The following TNRC6B variants were observed in gnomAD, a reference collection of about 807,000 sequenced individuals.
TNRC6B encodes trinucleotide repeat containing adaptor 6B.
Under a neutral mutation model 203.6 loss-of-function variants are expected in TNRC6B, and 52 were observed. That is an observed-to-expected ratio of 0.26 (90% CI 0.20 to 0.32). The LOEUF is 0.32. TNRC6B is among the 10% of genes least tolerant of loss of function. TNRC6B has a pLI of 1.00. For synonymous variants in TNRC6B, 838 were observed against 845.7 expected (o/e 0.99, Z 0.16); for missense variants, 1,923 against 2,286.2 (o/e 0.84, Z 3.24).
chr22:40,088,630 G>GTGTT (rs777613074), intron 1 of TNRC6B, among the ~76,000 whole-genome samples: 2 of 148,694 alleles, frequency 1.3e-5, no homozygotes, highest in Admixed American at 1.3e-4. Flanking sequence ...GTGTGTGTGT[G>GTGTT]TTTTAGTAGA....
chr22:40,219,270 GAGTA>G (rs1601893909), intron 1 of TNRC6B, among the ~76,000 whole-genome samples: 1 of 152,180 alleles, frequency 6.6e-6, no homozygotes, highest in African/African-American at 2.4e-5. Flanking sequence ...TTTAAAGAAC[GAGTA>G]AGTGCTCCAT....
chr22:40,048,133 T>C (rs1278090932), intron 1 of TNRC6B, among the ~76,000 whole-genome samples: 1 of 152,238 alleles, frequency 6.6e-6, no homozygotes, highest in Non-Finnish European at 1.5e-5. Context: ...TCCAGAGTTC[T>C]GAAAGAGCAG....
intron 1 of TNRC6B, among the ~76,000 whole-genome samples, chr22:40,221,760 C>G (rs1315591345): frequency 2.5e-5 from 3 of 121,906 alleles, no homozygotes; most frequent in Admixed American, 1.0e-4. Flanking sequence ...TGCCCCCCCC[C>G]CTTTTTTTTT....
chr22:40,265,988 T>C lies in TNRC6B; in HGVS notation c.1758T>C (p.His586=). ...ACAAAGCAGGAAGTAGTGACAGTCATAACTCTGGCCGTCGGTCGTACAGGC... is the reference window on the plus strand; with the variant it reads ...ACAAAGCAGGAAGTAGTGACAGTCACAACTCTGGCCGTCGGTCGTACAGGC... ...SNHKAGSSDS[H]NSGRRSYRPT... is the part of the protein sequence containing the mutation. Residue 586 remains histidine, a synonymous_variant, in exon 5 of 23, where the codon CAT becomes CAC. Transcript: ENST00000454349. 6.2e-7 allele frequency: 1 copy of C among 1,613,898 alleles called. No homozygotes were observed.
At chr22:40,252,371 AG>A (rs565551642) in intron 3 of TNRC6B, among the ~76,000 whole-genome samples, 10 of 152,350 alleles carry the variant, frequency 6.6e-5, no homozygotes, top group African/African-American at 2.4e-4. Flanking sequence ...GGAGGAGGAC[AG>A]GGGTGACAGG....
In TNRC6B at chr22:40,324,985, A is replaced by T. The variant is rs751807606; in HGVS notation, c.*1744A>T. The T allele has an allele frequency of 1.3e-5, 2 of 152,428 alleles. No homozygotes were observed. The highest frequency in any genetic ancestry group is 2.9e-5 in the Non-Finnish European group (2 of 68,028). The allele number at this position is 152,428 out of a possible 1,614,324, so 9.4% of individuals were successfully genotyped here. On this transcript the variant is annotated 3_prime_UTR_variant, in exon 23 of 23. Transcript: ENST00000454349. ...GGAATCAAAATGTATCAAACTGCTT[A>T]TTGTGAAGAGAATTATAGCAGACCT...
intron 4 of TNRC6B, among the ~76,000 whole-genome samples, chr22:40,165,094 C>CTT (rs764182245): frequency 6.9e-5 from 9 of 130,780 alleles, no homozygotes; most frequent in East Asian, 2.4e-4. Context: ...CCCCCCGGCT[C>CTT]TTTTTTTTTT....
intron 1 of TNRC6B, among the ~76,000 whole-genome samples, chr22:40,215,379 C>T (rs2069621681): frequency 6.6e-6 from 1 of 152,192 alleles, no homozygotes. Flanking sequence ...CTGCCAGCCA[C>T]ATTTCTCATT....
At chr22:40,153,549 GAAA>G (rs35636391) in intron 3 of TNRC6B, among the ~76,000 whole-genome samples, 3 of 145,600 alleles carry the variant, frequency 2.1e-5, no homozygotes, top group African/African-American at 7.5e-5. Context: ...TACTAAGCTA[GAAA>G]AAAAAAAACA....
chr22:40,286,915 T>C (rs531851035), intron 12 of TNRC6B, among the ~76,000 whole-genome samples: 1 of 152,346 alleles, frequency 6.6e-6, no homozygotes, highest in Admixed American at 6.5e-5. Flanking sequence ...AAACCAAGCT[T>C]TGAGTCTGTT....
chr22:40,308,504 C>CTT lies in TNRC6B; in HGVS notation c.4121-4_4121-3dup. 1 of 1,613,884 alleles carries CTT rather than the reference C, an allele frequency of 6.2e-7. No homozygotes were observed. On this transcript the variant is annotated splice_polypyrimidine_tract_variant and splice_region_variant and intron_variant, in intron 15 of 22. Transcript: ENST00000454349. ...GAGACTTATAAAATGTGGTCTTCTC[C>CTT]TTTTTAGGCTTCAGCTCTGGCGGCA...
intron 3 of TNRC6B, among the ~76,000 whole-genome samples, chr22:40,146,057 A>C (rs144946033): frequency 2.2e-3 from 340 of 152,338 alleles, no homozygotes; most frequent in Middle Eastern, 0.014. Flanking sequence ...GAGAAGAAAG[A>C]GGTCCAAGGG....
chr22:40,205,068 A>G (rs900696475), intron 1 of TNRC6B, among the ~76,000 whole-genome samples: 7 of 152,204 alleles, frequency 4.6e-5, no homozygotes, highest in African/African-American at 1.7e-4. Context: ...TTTCACAATG[A>G]TAATCTCAGG....
At position 40,308,661 on chromosome 22, in the gene TNRC6B, A is replaced by C. The variant is rs1316452479; in HGVS notation, c.4258+12A>C. 6.2e-7 allele frequency: 1 copy of C among 1,605,726 alleles called. No individual in the cohort carries two copies. The highest frequency in any genetic ancestry group is 8.5e-7 in the Non-Finnish European group (1 of 1,175,752). The stretch of plus-strand genomic sequence containing the variant: ...TATGCACAAAAATGGTAAGAGAAGC[A>C]CTGAAAGCTAGAGCCCCCAACCCAC... On this transcript the variant is annotated intron_variant, in intron 16 of 22. Transcript: ENST00000454349.
In TNRC6B at chr22:40,046,573, C is replaced by T. The variant is rs549280722; in HGVS notation, c.-121+1575C>T. On this transcript the variant is annotated intron_variant, in intron 1 of 23. Transcript: ENST00000301923. ...CTGTGGTAACATATAAATGTCATGC[C>T]CTTGAAAAAGATTTCCCTCATTCAA... Among the ~76,000 whole-genome samples the T allele has an allele frequency of 4.0e-5, 6 of 151,684 alleles. No individual in the cohort carries two copies. In the South Asian group the frequency reaches 8.3e-4, roughly 21 times the overall value.
At chr22:40,106,237 C>CTT (rs201593383) in intron 1 of TNRC6B, 162 of 157,018 alleles carry the variant, frequency 1.0e-3, no homozygotes, top group African/African-American at 4.2e-3. Flanking sequence ...TCGAGGTTGT[C>CTT]TTTTTTTTTT....
At position 40,259,232 on chromosome 22, in the gene TNRC6B, C is replaced by CT. The variant is rs551346538; in HGVS notation, c.116-2590dup. 5.7e-3 allele frequency among the ~76,000 whole-genome samples: 849 copies of CT among 148,826 alleles called. 6 individuals carry two copies. Among genetic ancestry groups the CT allele is most frequent in the Non-Finnish European group, 5.4e-3 (360 of 66,970 alleles). On this transcript the variant is annotated intron_variant, in intron 3 of 22. Coordinates refer to ENST00000454349, the MANE Select transcript of TNRC6B (RefSeq NM_001162501.2). The stretch of plus-strand genomic sequence containing the variant: ...ATTAGATAATGACTAATTTTCTTTT[C>CT]TTTTTTTTTTGAGACAGAGTCTTGC...
Position 40,261,856 on chromosome 22 carries a change from T to A in TNRC6B, c.140T>A (p.Leu47Ter), listed in dbSNP as rs1569042660. 6.3e-7 allele frequency: 1 copy of A among 1,580,402 alleles called. No homozygotes were observed. Residue 47 changes from leucine (L) to a stop codon, truncating the protein, a stop_gained, in exon 4 of 23, where the codon TTA (leucine) becomes TAA (stop). Transcript: ENST00000454349. LOFTEE classifies it high-confidence loss of function. ...GTGCCCGAAGTGACGAAACCAAGTT[T>A]AAGCCAACCAACGGCCGCCAGCCCA... The part of the protein sequence containing the change: ...TKVPEVTKPS[L>*]SQPTAASPIG...
At position 40,332,542 on chromosome 22, in the gene TNRC6B, TTC is replaced by T. The variant is rs2043993744; in HGVS notation, c.*9303_*9304del. 1 of 111,708 alleles carries T rather than the reference TTC, an allele frequency of 9.0e-6. No individual in the cohort carries two copies. Among genetic ancestry groups the T allele is most frequent in the Non-Finnish European group, 2.2e-5 (1 of 45,242 alleles). The allele number at this position is 111,708 out of a possible 1,614,324, so 6.9% of individuals were successfully genotyped here. A position where few individuals can be genotyped will look rare whatever the true frequency, so the allele number is the denominator to read the frequency against. ...ATATTCAGTGTTTTCCATGCAGCAA[TTC>T]TTCTTGTTGACGTTCACAGTACTGT... On this transcript the variant is annotated 3_prime_UTR_variant, in exon 23 of 23. Transcript: ENST00000454349.
Sources: gnomAD v4.1 joint callset for allele counts (sites outside exome capture counted in the v4.1 genomes callset) on GRCh38, gnomAD v4.1.1 for gene constraint, MANE v1.5 for transcripts, NCBI Gene and HGNC (gene_info 2026-07-23, HGNC 2026-07-21) for gene names.